The following ANKS1B variants were observed in gnomAD, a reference collection of about 807,000 sequenced individuals.
ANKS1B encodes ankyrin repeat and sterile alpha motif domain-containing protein 1B.
A neutral mutation model predicts 148.3 loss-of-function variants in ANKS1B; 36 were observed. The observed-to-expected ratio is 0.24, with a 90% CI of 0.19 to 0.32. ANKS1B has a LOEUF of 0.32. Ranked by LOEUF, ANKS1B falls within the 10% of genes least tolerant of loss-of-function variation. The probability of loss-of-function intolerance (pLI) is 1.00; values close to 1 mark genes in which losing one functional copy is unlikely to be tolerated. For synonymous variants in ANKS1B, 542 were observed against 560.8 expected, an observed-to-expected ratio of 0.97 and a Z score of 0.47; for missense variants, 1,157 against 1,542.6, an observed-to-expected ratio of 0.75 and a Z score of 4.19.
intron 26 of ANKS1B, among the ~76,000 whole-genome samples, chr12:98,749,481 C>A (rs1250585922): frequency 6.6e-6 from 1 of 152,110 alleles, no homozygotes; most frequent in Non-Finnish European, 1.5e-5. Context: ...AAATGCTACA[C>A]AGAATTAAAA....
At chr12:99,464,849 C>A (rs1231216669) in intron 10 of ANKS1B, among the ~76,000 whole-genome samples, 1 of 152,174 alleles carries the variant, frequency 6.6e-6, no homozygotes, top group Admixed American at 6.5e-5. Flanking sequence ...GAGAATGGAA[C>A]CAAGTTGGAA....
chr12:98,845,842 T>G (rs1202869897), intron 17 of ANKS1B, among the ~76,000 whole-genome samples: 1 of 152,118 alleles, frequency 6.6e-6, no homozygotes, highest in Non-Finnish European at 1.5e-5. Context: ...TTAAGTAACC[T>G]TAGTACAATG....
chr12:99,161,954 C>T (rs143882537), intron 14 of ANKS1B, among the ~76,000 whole-genome samples: 8 of 152,104 alleles, frequency 5.3e-5, no homozygotes, highest in South Asian at 2.1e-4. Flanking sequence ...ATAAATACAA[C>T]GTGATGCATC....
In ANKS1B at chr12:99,530,735, C is replaced by T. The variant is rs994996631; in HGVS notation, c.1273-26094G>A. Among the ~76,000 whole-genome samples, 9 of 152,206 alleles carry T rather than the reference C, an allele frequency of 5.9e-5. No homozygotes were observed. In the South Asian group the frequency reaches 6.2e-4, roughly 11 times the overall value. On this transcript the variant is annotated intron_variant, in intron 9 of 26. Coordinates refer to ENST00000683438, the MANE Select transcript of ANKS1B (RefSeq NM_001352186.2). ...GGATTTTCAAGCCCTTTTCAGCAAC[C>T]CCATAGTGGCCCACTTGAGATCCAC...
chr12:98,930,231 A>G (rs1194770596), intron 17 of ANKS1B, among the ~76,000 whole-genome samples: 1 of 152,184 alleles, frequency 6.6e-6, no homozygotes, highest in Non-Finnish European at 1.5e-5. Flanking sequence ...AAAAACCACA[A>G]TGAAATACCA....
chr12:99,120,546 G>T (rs187395270), intron 15 of ANKS1B, among the ~76,000 whole-genome samples: 1 of 152,182 alleles, frequency 6.6e-6, no homozygotes, highest in Non-Finnish European at 1.5e-5. Context: ...CATTGGTTTA[G>T]AAACCAGATA....
intron 8 of ANKS1B, among the ~76,000 whole-genome samples, chr12:99,702,929 C>T (rs1469018958): frequency 6.6e-6 from 1 of 151,874 alleles, no homozygotes; most frequent in African/African-American, 2.4e-5. Flanking sequence ...GTCTTTAATC[C>T]ACTTTCATTT....
At chr12:99,729,451 T>C (rs2058928662) in intron 8 of ANKS1B, among the ~76,000 whole-genome samples, 2 of 152,208 alleles carry the variant, frequency 1.3e-5, no homozygotes, top group South Asian at 4.1e-4. Context: ...GAACTTTTCA[T>C]TTCAGTAATT....
chr12:99,696,054 A>G (rs2053858475), intron 8 of ANKS1B, among the ~76,000 whole-genome samples: 2 of 152,214 alleles, frequency 1.3e-5, no homozygotes, highest in South Asian at 4.1e-4. Flanking sequence ...CAACATACCC[A>G]TGTAACAAAC....
intron 8 of ANKS1B, among the ~76,000 whole-genome samples, chr12:99,665,588 G>A (rs1307338888): frequency 2.0e-5 from 3 of 151,868 alleles, no homozygotes; most frequent in Non-Finnish European, 4.4e-5. Context: ...CCAGGCTCAC[G>A]CCATTCTCCT....
At chr12:98,978,058 T>C (rs1299833336) in intron 17 of ANKS1B, among the ~76,000 whole-genome samples, 1 of 152,188 alleles carries the variant, frequency 6.6e-6, no homozygotes, top group Non-Finnish European at 1.5e-5. Context: ...TTAATCTATG[T>C]CTACATTTAA....
chr12:99,367,810 TA>T (rs34166699), intron 12 of ANKS1B, among the ~76,000 whole-genome samples: 45,140 of 151,604 alleles, frequency 0.3, 7,734 homozygotes, highest in East Asian at 0.49. Context: ...GTGTGTGTTG[TA>T]AAAAGAAAAT....
intron 1 of ANKS1B, among the ~76,000 whole-genome samples, chr12:99,854,923 A>G (rs1009337077): frequency 6.6e-6 from 1 of 152,168 alleles, no homozygotes; most frequent in African/African-American, 2.4e-5. Flanking sequence ...CAAATCCTCT[A>G]AATACACCAA....
chr12:99,716,141 C>T (rs1166127220), intron 8 of ANKS1B, among the ~76,000 whole-genome samples: 1 of 151,996 alleles, frequency 6.6e-6, no homozygotes, highest in Non-Finnish European at 1.5e-5. Flanking sequence ...TGCAAGAACC[C>T]CCCGATCCCT....
At chr12:99,522,322 A>C in intron 9 of ANKS1B, among the ~76,000 whole-genome samples, 1 of 152,184 alleles carries the variant, frequency 6.6e-6, no homozygotes, top group East Asian at 1.9e-4. Flanking sequence ...ATGGGAATGA[A>C]TAGCTTTGAT....
chr12:98,832,143 C>A lies in ANKS1B; in HGVS notation c.2779-7G>T, dbSNP rs541975940. On this transcript the variant is annotated splice_region_variant and splice_polypyrimidine_tract_variant and intron_variant, in intron 17 of 26. Coordinates refer to ENST00000683438, the MANE Select transcript of ANKS1B (RefSeq NM_001352186.2). ...TCAAATTGATTTTTAAAACCTGAAA[C>A]AACATATATTTGGGTTAAATATTTC... 7.7e-6 allele frequency: 12 copies of A among 1,554,472 alleles called. No homozygotes were observed. Among genetic ancestry groups the A allele is most frequent in the Non-Finnish European group, 9.6e-6 (11 of 1,145,586 alleles).
chr12:99,225,024 T>C (rs1233813004), intron 14 of ANKS1B, among the ~76,000 whole-genome samples: 1 of 152,178 alleles, frequency 6.6e-6, no homozygotes, highest in Non-Finnish European at 1.5e-5. Flanking sequence ...AACATTGATG[T>C]TTCAGAACCA....
chr12:99,248,151 C>G (rs1355690087), intron 12 of ANKS1B, among the ~76,000 whole-genome samples: 1 of 152,048 alleles, frequency 6.6e-6, no homozygotes, highest in Non-Finnish European at 1.5e-5. Context: ...ATATCGAATT[C>G]TCACATTTTT....
intron 9 of ANKS1B, among the ~76,000 whole-genome samples, chr12:99,523,387 T>C (rs1018167416): frequency 6.6e-6 from 1 of 152,124 alleles, no homozygotes; most frequent in African/African-American, 2.4e-5. Flanking sequence ...TCTAAGGAAG[T>C]AGAAATAATG....
Sources: allele counts gnomAD v4.1 joint callset (sites outside exome capture counted in the v4.1 genomes callset), GRCh38; gene constraint gnomAD v4.1.1; transcripts MANE v1.5; gene names NCBI Gene and HGNC (gene_info 2026-07-23, HGNC 2026-07-21).